Variants in MEF2C observed in about 807,000 individuals in gnomAD.
MEF2C encodes myocyte-specific enhancer factor 2C.
MEF2C carries 6 observed loss-of-function variants against 50.5 expected under a neutral mutation model. The observed-to-expected ratio is 0.12, with a 90% CI of 0.07 to 0.23. The LOEUF (loss-of-function observed/expected upper bound fraction) is 0.23. Ranked by LOEUF, MEF2C falls within the 10% of genes least tolerant of loss-of-function variation. The pLI is 1.00. For synonymous variants in MEF2C, 183 were observed against 228.0 expected, an observed-to-expected ratio of 0.80 and a Z score of 1.78; for missense variants, 276 against 605.0, an observed-to-expected ratio of 0.46 and a Z score of 5.70.
intron 1 of MEF2C, among the ~76,000 whole-genome samples, chr5:88,849,072 A>T (rs994200219): frequency 1.2e-4 from 18 of 147,008 alleles, no homozygotes; most frequent in African/African-American, 4.5e-4. Context: ...AATCGCTTGA[A>T]CCCGGGAGGC....
chr5:88,824,268 GA>G, intron 1 of MEF2C: 1 of 983,764 alleles, frequency 1.0e-6, no homozygotes, highest in Middle Eastern at 5.2e-4. Flanking sequence ...CACCCGTTAT[GA>G]AAAATTACCT....
intron 1 of MEF2C, among the ~76,000 whole-genome samples, chr5:88,840,686 G>T (rs1277026142): frequency 6.6e-6 from 1 of 151,960 alleles, no homozygotes; most frequent in Non-Finnish European, 1.5e-5. Context: ...GTTTACCAAG[G>T]TTATGCTGAA....
chr5:88,886,056 C>G (rs769736279), upstream of MEF2C, among the ~76,000 whole-genome samples: 18 of 152,112 alleles, frequency 1.2e-4, no homozygotes, highest in Non-Finnish European at 2.5e-4. Flanking sequence ...TAATTTGGAT[C>G]TGGAATGTAT....
At chr5:88,833,458 A>G (rs1561257120) in intron 1 of MEF2C, among the ~76,000 whole-genome samples, 3 of 152,136 alleles carry the variant, frequency 2.0e-5, no homozygotes, top group Non-Finnish European at 4.4e-5. Flanking sequence ...GGAAAAAAAA[A>G]TCTGTAGAGA....
intron 6 of MEF2C, chr5:88,736,051 C>T (rs866203326): frequency 1.5e-5 from 15 of 985,378 alleles, no homozygotes; most frequent in Non-Finnish European, 1.7e-5. Flanking sequence ...TTTTAATCTA[C>T]CAAACTGTCA....
At chr5:88,782,209 C>A in intron 3 of MEF2C, 1 of 964,006 alleles carries the variant, frequency 1.0e-6, no homozygotes, top group Non-Finnish European at 1.2e-6. Flanking sequence ...TGGCTCACTC[C>A]TGTAATCCAA....
chr5:88,899,129 A>G (rs1397305681), intron 1 of MEF2C, among the ~76,000 whole-genome samples: 2 of 152,176 alleles, frequency 1.3e-5, no homozygotes, highest in African/African-American at 4.8e-5. Flanking sequence ...GCTTCGTGTC[A>G]TAACATAATT....
intron 6 of MEF2C, among the ~76,000 whole-genome samples, chr5:88,746,026 C>T (rs1409353202): frequency 1.3e-5 from 2 of 152,118 alleles, no homozygotes; most frequent in African/African-American, 2.4e-5. Context: ...GCTGGAGGGC[C>T]GGGTTCTTGA....
chr5:88,745,809 T>G (rs1769221311), intron 6 of MEF2C, among the ~76,000 whole-genome samples: 4 of 152,224 alleles, frequency 2.6e-5, no homozygotes, highest in Admixed American at 2.6e-4. Context: ...AGCAAGACAC[T>G]GTCTCAAAAC....
intron 3 of MEF2C, among the ~76,000 whole-genome samples, chr5:88,795,909 T>C (rs918633520): frequency 6.6e-6 from 1 of 152,336 alleles, no homozygotes; most frequent in Middle Eastern, 3.4e-3. Flanking sequence ...GTGTGGTTTT[T>C]GTCATTGTTT....
At chr5:88,873,617 G>A (rs1830179526) in intron 1 of MEF2C, among the ~76,000 whole-genome samples, 1 of 150,612 alleles carries the variant, frequency 6.6e-6, no homozygotes, top group Admixed American at 6.6e-5. Context: ...GGATATTGCC[G>A]ATTCATTTCA....
chr5:88,890,209 G>A (rs1834391328), intron 1 of MEF2C, among the ~76,000 whole-genome samples: 1 of 152,242 alleles, frequency 6.6e-6, no homozygotes, highest in African/African-American at 2.4e-5. Flanking sequence ...ACAAAGTAAA[G>A]CAAGAAGTAG....
Position 88,804,592 on chromosome 5 carries a change from T to C in MEF2C, c.258+6A>G. 6.2e-7 allele frequency: 1 copy of C among 1,613,546 alleles called. No homozygotes were observed. Among genetic ancestry groups the C allele is most frequent in the South Asian group, 1.1e-5 (1 of 91,044 alleles). On this transcript the variant is annotated splice_donor_region_variant and intron_variant, in intron 3 of 10. Transcript: ENST00000504921. ...GGCTTGGGGCTCACCACGCATGCTC[T>C]CTCACCTCCACGATGTCTGAGTTTG...
chr5:88,737,517 G>T (rs905795315), intron 6 of MEF2C: 3 of 985,260 alleles, frequency 3.0e-6, no homozygotes, highest in Non-Finnish European at 1.2e-6. Flanking sequence ...TGTTGCCACA[G>T]GTTGTCGTTA....
chr5:88,797,454 CCTTTT>C (rs1796483642), intron 3 of MEF2C, among the ~76,000 whole-genome samples: 2 of 25,220 alleles, frequency 7.9e-5, no homozygotes, highest in African/African-American at 1.3e-4. Flanking sequence ...GCAACCCTTG[CCTTTT>C]TTTTTTTTTT....
At chr5:88,808,658 A>G (rs748208390) in intron 2 of MEF2C, among the ~76,000 whole-genome samples, 1 of 152,142 alleles carries the variant, frequency 6.6e-6, no homozygotes. Flanking sequence ...TTAATTCTGC[A>G]TTATGTTCAT....
chr5:88,743,446 T>A, intron 6 of MEF2C: 10 of 985,396 alleles, frequency 1.0e-5, no homozygotes, highest in Non-Finnish European at 1.2e-5. Context: ...TACAGAAAAA[T>A]TAAGCATTGT....
intron 3 of MEF2C, among the ~76,000 whole-genome samples, chr5:88,781,182 T>C (rs543253481): frequency 7.2e-5 from 11 of 152,300 alleles, no homozygotes; most frequent in African/African-American, 1.9e-4. Context: ...ACATACATTA[T>C]ATGATAATTT....
chr5:88,896,108 T>C (rs1835089398), intron 1 of MEF2C, among the ~76,000 whole-genome samples: 1 of 152,202 alleles, frequency 6.6e-6, no homozygotes, highest in Non-Finnish European at 1.5e-5. Flanking sequence ...ACCTGGCCCT[T>C]ACTTGAGGAA....
Sources: gnomAD v4.1 joint callset for allele counts (sites outside exome capture counted in the v4.1 genomes callset) on GRCh38, gnomAD v4.1.1 for gene constraint, MANE v1.5 for transcripts, NCBI Gene and HGNC (gene_info 2026-07-23, HGNC 2026-07-21) for gene names.